The following ZNF93 variants were observed in gnomAD, a reference collection of about 807,000 sequenced individuals.
ZNF93 encodes the protein zinc finger protein 93, also known as zinc finger protein 505.
In ZNF93, 29 loss-of-function variants were observed where a neutral mutation model predicts 45.0. That is an observed-to-expected ratio of 0.64 (90% CI 0.48 to 0.88). The LOEUF (loss-of-function observed/expected upper bound fraction) is 0.88. Ranked by LOEUF, ZNF93 falls within the 40% of genes least tolerant of loss-of-function variation. The pLI is 0.00. For synonymous variants in ZNF93, 223 were observed against 244.6 expected (o/e 0.91, Z 0.82); for missense variants, 578 against 724.0 (o/e 0.80, Z 2.31).
rs565379247 is a variant in ZNF93, at chr19:19,914,575, A to AT, written c.4-699dup. 1.6e-4 allele frequency among the ~76,000 whole-genome samples: 25 copies of AT among 152,228 alleles called. No individual in the cohort carries two copies. The South Asian group carries it at 4.1e-3, about 25-fold the overall frequency. On this transcript the variant is annotated intron_variant, in intron 1 of 3. Transcript: ENST00000343769. ...TTGGTGAAGTAGCTCTCTCTCACAGATTTTTTCACTATAGTTAATTATTTT... is the reference window on the plus strand; with the variant it reads ...TTGGTGAAGTAGCTCTCTCTCACAGATTTTTTTCACTATAGTTAATTATTTT...
At chr19:19,931,716 A>G (rs532519199) in intron 3 of ZNF93, among the ~76,000 whole-genome samples, 2 of 152,116 alleles carry the variant, frequency 1.3e-5, no homozygotes, top group Non-Finnish European at 2.9e-5. Context: ...TACCACTAAT[A>G]TTGTTATTGT....
At chr19:19,902,254 CAG>C (rs777136894) in intron 1 of ZNF93, among the ~76,000 whole-genome samples, 2 of 150,068 alleles carry the variant, frequency 1.3e-5, no homozygotes, top group Non-Finnish European at 2.9e-5. Context: ...AAGCCTAAAA[CAG>C]AAGGTTTTTT....
intron 1 of ZNF93, chr19:19,909,261 A>G (rs73008668): frequency 0.15 from 22,988 of 152,230 alleles, 2,038 homozygotes; most frequent in East Asian, 0.41. Flanking sequence ...AGAGGACACT[A>G]GCAACTAGGA....
In ZNF93 at chr19:19,934,830, A is replaced by C. The variant is rs926419230; in HGVS notation, c.*12A>C. 3 of 1,587,944 alleles carry C rather than the reference A, an allele frequency of 1.9e-6. No individual in the cohort carries two copies. The African/African-American group carries it at 4.1e-5, about 21-fold the overall frequency. ...GGGAGAAACCCTAGAAGTGTGAAGA[A>C]TGTGGCAAAGCCTTCAAGTGGTCCT... On this transcript the variant is annotated 3_prime_UTR_variant, in exon 4 of 4. Transcript: ENST00000343769.
rs1263173307 is a variant in ZNF93, at chr19:19,916,666, G to A, written c.226+11G>A. 3.8e-6 allele frequency: 6 copies of A among 1,593,480 alleles called. No individual in the cohort carries two copies. The highest frequency in any genetic ancestry group is 4.5e-5 in the East Asian group (2 of 44,392). On this transcript the variant is annotated intron_variant, in intron 3 of 3. Coordinates refer to ENST00000343769, the MANE Select transcript of ZNF93 (RefSeq NM_031218.4). ...TAGCCAACCCCTCAGGTAGGTGTGA[G>A]TGAAAATGAATACAACAGACAACAC...
intron 3 of ZNF93, among the ~76,000 whole-genome samples, chr19:19,922,668 C>T (rs2063345274): frequency 6.6e-6 from 1 of 152,172 alleles, no homozygotes; most frequent in Non-Finnish European, 1.5e-5. Context: ...AACTTCCCTT[C>T]TCGCTTCATT....
intron 3 of ZNF93, among the ~76,000 whole-genome samples, chr19:19,925,639 C>T (rs1217030519): frequency 6.6e-6 from 1 of 152,172 alleles, no homozygotes; most frequent in Non-Finnish European, 1.5e-5. Flanking sequence ...TTAGTAGGCA[C>T]TCCATATTTA....
At chr19:19,919,763 T>C (rs2063337525) in intron 3 of ZNF93, among the ~76,000 whole-genome samples, 1 of 152,232 alleles carries the variant, frequency 6.6e-6, no homozygotes, top group African/African-American at 2.4e-5. Flanking sequence ...TTGTCTGTTA[T>C]TGGTGTATAA....
At chr19:19,932,217 G>GCAACA in intron 3 of ZNF93, 2 of 159,694 alleles carry the variant, frequency 1.3e-5, no homozygotes, top group Non-Finnish European at 2.8e-5. Context: ...TCCAGCCTGG[G>GCAACA]AGACAGAGTG....
chr19:19,904,844 A>G (rs1022539841), intron 1 of ZNF93, among the ~76,000 whole-genome samples: 31 of 152,278 alleles, frequency 2.0e-4, no homozygotes, highest in Non-Finnish European at 3.8e-4. Context: ...CCCTTTTCTC[A>G]CAGCTGCCAC....
rs2063389702 is a variant in ZNF93, at chr19:19,935,309, A to G, written c.*491A>G. 6.3e-6 allele frequency: 1 copy of G among 159,372 alleles called. No homozygotes were observed. The highest frequency in any genetic ancestry group is 6.0e-5 in the Admixed American group (1 of 16,672). 9.9% of individuals were successfully genotyped at this position (159,372 alleles called of 1,614,324 possible). A position where few individuals can be genotyped will look rare whatever the true frequency, so the allele number is the denominator to read the frequency against. On this transcript the variant is annotated 3_prime_UTR_variant, in exon 4 of 4. Transcript: ENST00000343769. ...CTAACAAGCCAGCTAAAGGTGGACT[A>G]TAGTGCAGACCCAGCAACCTTGTGA...
intron 3 of ZNF93, among the ~76,000 whole-genome samples, chr19:19,921,456 G>C (rs1176018466): frequency 2.0e-5 from 3 of 152,138 alleles, no homozygotes; most frequent in Non-Finnish European, 4.4e-5. Context: ...TGTCTGTTAG[G>C]TCTGCTTGGT....
chr19:19,910,263 A>G (rs898262291), intron 1 of ZNF93, among the ~76,000 whole-genome samples: 18 of 152,198 alleles, frequency 1.2e-4, no homozygotes, highest in African/African-American at 4.3e-4. Context: ...CCCTTTGGTT[A>G]TCAAACTCAG....
chr19:19,933,927 C>G lies in ZNF93; in HGVS notation c.972C>G (p.Tyr324Ter). The G allele has an allele frequency of 6.2e-7, 1 of 1,610,180 alleles. No homozygotes were observed. The highest frequency in any genetic ancestry group is 1.7e-5 in the Admixed American group (1 of 59,664). ...AAGAATGTGGCAAAGCCTTTAAGTACTCCCGTATCCTTACTACACATAAGA... is the reference window on the plus strand; with the variant it reads ...AAGAATGTGGCAAAGCCTTTAAGTAGTCCCGTATCCTTACTACACATAAGA... ...VCEECGKAFKYSRILTTHKRI... is the reference protein window; with the variant it reads ...VCEECGKAFK The change falls in exon 4 of 4, where the codon TAC becomes TAG. Residue 324 changes from tyrosine (Y) to a stop codon, truncating the protein, a stop_gained. Transcript: ENST00000343769. LOFTEE classifies it high-confidence loss of function.
intron 1 of ZNF93, chr19:19,914,767 ACTT>A: frequency 5.1e-6 from 2 of 388,502 alleles, no homozygotes; most frequent in Non-Finnish European, 9.9e-6. Flanking sequence ...AGGCTCTTCC[ACTT>A]ACTGGATGTT....
intron 3 of ZNF93, among the ~76,000 whole-genome samples, chr19:19,928,534 G>A (rs976915117): frequency 6.6e-6 from 1 of 151,940 alleles, no homozygotes; most frequent in Non-Finnish European, 1.5e-5. Context: ...AAATTGATTT[G>A]TTGTTGTTTT....
chr19:19,932,985 G>C, intron 3 of ZNF93, 197 bp from the exon 4 acceptor site: 1 of 391,176 alleles, frequency 2.6e-6, no homozygotes, highest in African/African-American at 2.1e-5. Context: ...AAATTTACCT[G>C]CCTTACCAGT....
rs566581316 is a variant in ZNF93, at chr19:19,918,125, A to G, written c.226+1470A>G. Among the ~76,000 whole-genome samples the G allele has an allele frequency of 1.2e-4, 14 of 114,220 alleles. No homozygotes were observed. The South Asian group carries it at 4.2e-3, about 34-fold the overall frequency. 74.9% of individuals were successfully genotyped at this position (114,220 alleles called of 152,430 possible). A position where few individuals can be genotyped will look rare whatever the true frequency, so the allele number is the denominator to read the frequency against. ...GTCCCCCCACCCCACAACAGGCCCC[A>G]GTGTGTGATGTTCTCCTTCCTGTGT... is the stretch of plus-strand genomic sequence containing the variant. On this transcript the variant is annotated intron_variant, in intron 3 of 3. Transcript: ENST00000343769.
At chr19:19,929,389 A>AT (rs1174960563) in intron 3 of ZNF93, among the ~76,000 whole-genome samples, 1 of 152,040 alleles carries the variant, frequency 6.6e-6, no homozygotes, top group Non-Finnish European at 1.5e-5. Context: ...TTTGGTTGTT[A>AT]TTTTTTACCT....
Sources: allele counts gnomAD v4.1 joint callset (sites outside exome capture counted in the v4.1 genomes callset), GRCh38; gene constraint gnomAD v4.1.1; transcripts MANE v1.5; gene names NCBI Gene and HGNC (gene_info 2026-07-23, HGNC 2026-07-21).